Variants in TMEM132D observed in about 807,000 individuals in gnomAD.
The protein encoded by TMEM132D is mature OL transmembrane protein.
Under a neutral mutation model 62.3 loss-of-function variants are expected in TMEM132D, and 21 were observed. The observed-to-expected ratio is 0.34, with a 90% CI of 0.24 to 0.49. TMEM132D has a LOEUF of 0.49. Ranked by LOEUF, TMEM132D falls within the 20% of genes least tolerant of loss-of-function variation. The probability of loss-of-function intolerance (pLI) is 0.99; values close to 1 mark genes in which losing one functional copy is unlikely to be tolerated. For synonymous variants in TMEM132D, 621 were observed against 575.6 expected (o/e 1.08, Z -1.13); for missense variants, 1,346 against 1,402.8 (o/e 0.96, Z 0.65).
intron 4 of TMEM132D, among the ~76,000 whole-genome samples, chr12:129,309,443 G>A (rs374444337): frequency 4.1e-4 from 62 of 152,242 alleles, no homozygotes; most frequent in African/African-American, 1.4e-3. Flanking sequence ...TTGAATATAT[G>A]TTGGCCCTTT....
At chr12:129,563,582 T>C (rs1877294916) in intron 2 of TMEM132D, among the ~76,000 whole-genome samples, 1 of 152,166 alleles carries the variant, frequency 6.6e-6, no homozygotes, top group Admixed American at 6.5e-5. Context: ...GATATTTCAT[T>C]CTGAAAAATC....
intron 4 of TMEM132D, among the ~76,000 whole-genome samples, chr12:129,333,141 G>T (rs886685269): frequency 2.6e-5 from 4 of 152,150 alleles, no homozygotes; most frequent in African/African-American, 9.7e-5. Flanking sequence ...TCTAAGAAGG[G>T]CAAATTAAAA....
chr12:129,501,497 ATTTT>A (rs201621163), intron 3 of TMEM132D, among the ~76,000 whole-genome samples: 1 of 152,064 alleles, frequency 6.6e-6, no homozygotes, highest in South Asian at 2.1e-4. Context: ...TTAACAGCAG[ATTTT>A]TTTAATTTTT....
intron 1 of TMEM132D, chr12:129,840,620 C>A (rs1275635294): frequency 2.0e-5 from 3 of 152,306 alleles, no homozygotes; most frequent in East Asian, 1.9e-4. Context: ...AAGCCCAGGG[C>A]GGGGGCTGCG....
rs3046077 is a variant in TMEM132D at position 129,471,209 on chromosome 12, CT to C, written c.1115+59849del. 5.9e-3 allele frequency among the ~76,000 whole-genome samples: 860 copies of C among 145,764 alleles called. 7 individuals carry two copies. Among genetic ancestry groups the C allele is most frequent in the African/African-American group, 0.018 (723 of 39,538 alleles). On this transcript the variant is annotated intron_variant, in intron 3 of 8. Transcript: ENST00000422113. The stretch of plus-strand genomic sequence containing the variant: ...ACTTTATCGTGTTTTGTAGATATTA[CT>C]TTTTTTTTTTTTTTAACAAATTGAA...
At chr12:129,801,148 G>A (rs1483513538) in intron 1 of TMEM132D, among the ~76,000 whole-genome samples, 5 of 152,182 alleles carry the variant, frequency 3.3e-5, no homozygotes, top group African/African-American at 4.8e-5. Flanking sequence ...AGGGGCGCCC[G>A]CCATTGCCCA....
chr12:129,406,859 T>C (rs1871806642), intron 3 of TMEM132D, among the ~76,000 whole-genome samples: 3 of 152,234 alleles, frequency 2.0e-5, no homozygotes. Context: ...GAAGTATCCC[T>C]GGTTATGCAC....
rs138957554 is a variant in TMEM132D at position 129,079,860 on chromosome 12, CAGG to C, written c.1924-1138_1924-1136del. Among the ~76,000 whole-genome samples, 1,002 of 152,276 alleles carry C rather than the reference CAGG, an allele frequency of 6.6e-3. 9 individuals are homozygous for C. The highest frequency in any genetic ancestry group is 0.023 in the African/African-American group (951 of 41,546). On this transcript the variant is annotated intron_variant, in intron 7 of 8. Transcript: ENST00000422113. Reference sequence around the variant, plus strand: ...AAAAAGAGAAAAGAACCAAGGCTCGCAGGAGTAGAGGCCTCACCAAAATAATGT... The same window carrying C: ...AAAAAGAGAAAAGAACCAAGGCTCGCAGTAGAGGCCTCACCAAAATAATGT...
Position 129,903,836 on chromosome 12 carries a change from G to T in TMEM132D, c.-497C>A, listed in dbSNP as rs1281599776. Among the ~76,000 whole-genome samples the T allele has an allele frequency of 1.4e-5, 2 of 146,842 alleles. No homozygotes were observed. The highest frequency in any genetic ancestry group is 4.9e-5 in the African/African-American group (2 of 40,876). On this transcript the variant is annotated 5_prime_UTR_variant, in exon 1 of 9. Transcript: ENST00000422113. The surrounding 1 kb of genome is among the most constrained non-coding windows in gnomAD (Gnocchi z 6.2). ...GCCCCCCGGGCGGGTGGCCGGGCTCGCTGGGCGGCCCGGGGCTCCCTGGCC... is the reference window on the plus strand; with the variant it reads ...GCCCCCCGGGCGGGTGGCCGGGCTCTCTGGGCGGCCCGGGGCTCCCTGGCC...
intron 1 of TMEM132D, among the ~76,000 whole-genome samples, chr12:129,824,985 T>C (rs1376423944): frequency 6.6e-6 from 1 of 151,590 alleles, no homozygotes; most frequent in Non-Finnish European, 1.5e-5. Context: ...TTTGCTCACT[T>C]CGTTCCTTTA....
At chr12:129,758,132 C>T (rs1045405368) in intron 1 of TMEM132D, among the ~76,000 whole-genome samples, 44 of 151,958 alleles carry the variant, frequency 2.9e-4, no homozygotes, top group Non-Finnish European at 4.4e-4. Context: ...CTCGAACTCC[C>T]GACCTCAGGT....
At chr12:129,593,967 T>C (rs140134041) in intron 2 of TMEM132D, among the ~76,000 whole-genome samples, 246 of 152,314 alleles carry the variant, frequency 1.6e-3, no homozygotes, top group African/African-American at 5.5e-3. Context: ...GGCAACCCCC[T>C]GTTATGTATC....
chr12:129,241,860 T>G (rs1415686644), intron 4 of TMEM132D, among the ~76,000 whole-genome samples: 1 of 152,216 alleles, frequency 6.6e-6, no homozygotes, highest in Non-Finnish European at 1.5e-5. Context: ...CAAAAATACT[T>G]GCTGAATGGA....
At chr12:129,650,185 G>GT (rs1879892410) in intron 2 of TMEM132D, among the ~76,000 whole-genome samples, 1 of 152,004 alleles carries the variant, frequency 6.6e-6, no homozygotes, top group African/African-American at 2.4e-5. Context: ...ATATATAATT[G>GT]TTTTGCAAGT....
chr12:129,546,163 C>T (rs1876726124), intron 2 of TMEM132D, among the ~76,000 whole-genome samples: 1 of 152,194 alleles, frequency 6.6e-6, no homozygotes, highest in South Asian at 2.1e-4. Flanking sequence ...TGACTGTCCC[C>T]TGTCCTGATG....
At chr12:129,139,697 AATT>A (rs1246866403) in intron 5 of TMEM132D, among the ~76,000 whole-genome samples, 1 of 152,104 alleles carries the variant, frequency 6.6e-6, no homozygotes, top group Admixed American at 6.5e-5. Flanking sequence ...TCATCATAAT[AATT>A]ATTATTATTG....
chr12:129,476,694 A>T (rs1477287974), intron 3 of TMEM132D, among the ~76,000 whole-genome samples: 2 of 152,088 alleles, frequency 1.3e-5, no homozygotes, highest in African/African-American at 4.8e-5. Context: ...TGGGAGAGAG[A>T]TGTATTTGTG....
At chr12:129,607,565 A>G (rs190680965) in intron 2 of TMEM132D, among the ~76,000 whole-genome samples, 52 of 151,998 alleles carry the variant, frequency 3.4e-4, no homozygotes, top group African/African-American at 1.2e-3. Flanking sequence ...AAACAAAGAC[A>G]CTCTTACAGG....
chr12:129,683,694 C>T (rs954353798), intron 2 of TMEM132D, among the ~76,000 whole-genome samples: 2 of 152,112 alleles, frequency 1.3e-5, no homozygotes, highest in Non-Finnish European at 2.9e-5. Flanking sequence ...ATATAGTCTT[C>T]CACCACTCCC....
Sources: gnomAD v4.1 joint callset for allele counts (sites outside exome capture counted in the v4.1 genomes callset) on GRCh38, gnomAD v4.1.1 for gene constraint, Gnocchi (gnomAD v3.1) non-coding constraint, MANE v1.5 for transcripts, NCBI Gene and HGNC (gene_info 2026-07-23, HGNC 2026-07-21) for gene names.